The following CCDC170 variants were observed in gnomAD, a reference collection of about 807,000 sequenced individuals.
The protein encoded by CCDC170 is coiled-coil domain containing 170, also known as coiled-coil domain-containing protein 170.
Under a neutral mutation model 72.6 loss-of-function variants are expected in CCDC170, and 69 were observed. That is an observed-to-expected ratio of 0.95 (90% CI 0.78 to 1.16). The LOEUF is 1.16. Ranked by LOEUF, CCDC170 falls within the 50% of genes most tolerant of loss-of-function variation. The probability of loss-of-function intolerance (pLI) is 0.00; values close to 1 mark genes in which losing one functional copy is unlikely to be tolerated. For missense variants in CCDC170, 852 were observed against 832.5 expected (o/e 1.02, Z -0.29); for synonymous variants, 300 against 303.9 (o/e 0.99, Z 0.13).
chr6:151,496,431 T>C lies in CCDC170; in HGVS notation c.57+2246T>C, dbSNP rs144649655. Among the ~76,000 whole-genome samples, 369 of 152,334 alleles carry C rather than the reference T, an allele frequency of 2.4e-3. 1 individual carries two copies. The highest frequency in any genetic ancestry group is 7.9e-3 in the African/African-American group (330 of 41,578). Reference sequence around the variant, plus strand: ...ATTGGCTTAAAATAACTAAATTTTATTGAGAACAAAAGTAGCTGCAGAAAA... The same window carrying C: ...ATTGGCTTAAAATAACTAAATTTTACTGAGAACAAAAGTAGCTGCAGAAAA... On this transcript the variant is annotated intron_variant, in intron 1 of 10. Transcript: ENST00000239374.
At chr6:151,591,378 C>G (rs556083123) in intron 7 of CCDC170, among the ~76,000 whole-genome samples, 1 of 152,256 alleles carries the variant, frequency 6.6e-6, no homozygotes, top group South Asian at 2.1e-4. Flanking sequence ...CCACGGAAAT[C>G]AAGCAGAGGA....
chr6:151,549,299 G>A (rs188256736), intron 5 of CCDC170, among the ~76,000 whole-genome samples: 48 of 150,784 alleles, frequency 3.2e-4, no homozygotes, highest in Middle Eastern at 7.3e-3. Context: ...ACCTCCCAAA[G>A]TGCTGGAATT....
intron 3 of CCDC170, among the ~76,000 whole-genome samples, chr6:151,539,797 C>G (rs995378590): frequency 6.6e-6 from 1 of 152,184 alleles, no homozygotes; most frequent in East Asian, 1.9e-4. Flanking sequence ...AAACGGAGCT[C>G]CCAGTGTTCC....
At chr6:151,542,519 G>A (rs998883502) in intron 3 of CCDC170, among the ~76,000 whole-genome samples, 5 of 152,216 alleles carry the variant, frequency 3.3e-5, no homozygotes, top group African/African-American at 4.8e-5. Context: ...ACTGTGCCAA[G>A]CCTAGTACAT....
At chr6:151,537,413 G>C (rs934495332) in intron 2 of CCDC170, among the ~76,000 whole-genome samples, 1 of 151,528 alleles carries the variant, frequency 6.6e-6, no homozygotes, top group Non-Finnish European at 1.5e-5. Flanking sequence ...TTTCTCATAG[G>C]GTAGATCTGA....
At chr6:151,549,649 A>C (rs951256575) in intron 5 of CCDC170, among the ~76,000 whole-genome samples, 3 of 151,730 alleles carry the variant, frequency 2.0e-5, no homozygotes, top group African/African-American at 7.3e-5. Context: ...CTGGTCCTAA[A>C]CTCCTGGCCT....
At chr6:151,605,938 G>C (rs913387846) in intron 9 of CCDC170, among the ~76,000 whole-genome samples, 1 of 141,590 alleles carries the variant, frequency 7.1e-6, no homozygotes, top group Non-Finnish European at 1.5e-5. Context: ...GTCTTACTCT[G>C]TTGTCCAGGC....
Position 151,494,033 on chromosome 6 carries a change from G to C in CCDC170, c.-96G>C. The stretch of plus-strand genomic sequence containing the variant: ...CGCGTCCCCGCGGTGTTTACCCGTT[G>C]CCCGAGGAGACACCCGCGCCACCCG... On this transcript the variant is annotated 5_prime_UTR_variant, in exon 1 of 11. Coordinates refer to ENST00000239374, the MANE Select transcript of CCDC170 (RefSeq NM_025059.4). 2 of 1,224,724 alleles carry C rather than the reference G, an allele frequency of 1.6e-6. No homozygotes were observed. Among genetic ancestry groups the C allele is most frequent in the Non-Finnish European group, 2.1e-6 (2 of 938,258 alleles). The allele number at this position is 1,224,724 out of a possible 1,614,324, so 75.9% of individuals were successfully genotyped here. A position where few individuals can be genotyped will look rare whatever the true frequency, so the allele number is the denominator to read the frequency against.
At chr6:151,539,482 G>A (rs1782647416) in intron 3 of CCDC170, among the ~76,000 whole-genome samples, 1 of 152,054 alleles carries the variant, frequency 6.6e-6, no homozygotes, top group African/African-American at 2.4e-5. Flanking sequence ...CACATGCCTA[G>A]GTTTTTTCTT....
chr6:151,511,170 A>G (rs1387629159), intron 1 of CCDC170, among the ~76,000 whole-genome samples: 1 of 152,210 alleles, frequency 6.6e-6, no homozygotes, highest in African/African-American at 2.4e-5. Flanking sequence ...TCTAAAACTC[A>G]CTAACTTTGC....
intron 6 of CCDC170, among the ~76,000 whole-genome samples, chr6:151,582,643 G>T (rs1017547910): frequency 6.6e-6 from 1 of 152,132 alleles, no homozygotes; most frequent in Non-Finnish European, 1.5e-5. Flanking sequence ...GGTTCTGCAG[G>T]CTATACAAGA....
chr6:151,561,552 G>A (rs1444189089), intron 5 of CCDC170, among the ~76,000 whole-genome samples: 1 of 151,962 alleles, frequency 6.6e-6, no homozygotes, highest in Non-Finnish European at 1.5e-5. Context: ...ATCTCTTCTG[G>A]CTTGTAAAGT....
intron 9 of CCDC170, among the ~76,000 whole-genome samples, chr6:151,613,156 C>T (rs1314476236): frequency 6.6e-6 from 1 of 152,178 alleles, no homozygotes; most frequent in Non-Finnish European, 1.5e-5. Flanking sequence ...GTATTCCCAA[C>T]AGTTTGGGAG....
chr6:151,523,110 C>T (rs1297037503), intron 1 of CCDC170, among the ~76,000 whole-genome samples: 26 of 152,092 alleles, frequency 1.7e-4, no homozygotes. Flanking sequence ...CTACAATTTC[C>T]CACTTTCTTC....
chr6:151,595,862 C>T (rs553655132), intron 8 of CCDC170, among the ~76,000 whole-genome samples: 21 of 152,118 alleles, frequency 1.4e-4, no homozygotes, highest in African/African-American at 4.1e-4. Context: ...TTGGGGGCCA[C>T]GTGTTCCAGT....
At chr6:151,497,474 C>T (rs1204751268) in intron 1 of CCDC170, among the ~76,000 whole-genome samples, 3 of 152,162 alleles carry the variant, frequency 2.0e-5, no homozygotes, top group Non-Finnish European at 4.4e-5. Context: ...TTTAATGCTG[C>T]ACTCTTCTCA....
At chr6:151,594,288 A>G (rs996150668) in intron 8 of CCDC170, among the ~76,000 whole-genome samples, 1 of 152,150 alleles carries the variant, frequency 6.6e-6, no homozygotes. Context: ...CCTTGAACAG[A>G]TTATATACCT....
At chr6:151,544,517 T>C in intron 3 of CCDC170, 55 bp from the exon 4 acceptor site, 2 of 1,527,534 alleles carry the variant, frequency 1.3e-6, no homozygotes, top group African/African-American at 1.4e-5. Flanking sequence ...CTTGGTTTGA[T>C]GAATGTTATC....
At chr6:151,572,649 G>GGTTTTTTTTTTTTTTTTT (rs1776234680) in intron 5 of CCDC170, among the ~76,000 whole-genome samples, 5 of 37,986 alleles carry the variant, frequency 1.3e-4, no homozygotes, top group African/African-American at 6.1e-4. Context: ...CCTTCTCTGT[G>GGTTTTTTTTTTTTTTTTT]TTTTTTTTTT....
Sources: allele counts gnomAD v4.1 joint callset (sites outside exome capture counted in the v4.1 genomes callset), GRCh38; gene constraint gnomAD v4.1.1; transcripts MANE v1.5; gene names NCBI Gene and HGNC (gene_info 2026-07-23, HGNC 2026-07-21).